The following KDM2B variants were observed in gnomAD, a reference collection of about 807,000 sequenced individuals.
The protein encoded by KDM2B is lysine-specific demethylase 2B.
A neutral mutation model predicts 150.0 loss-of-function variants in KDM2B; 26 were observed. That is an observed-to-expected ratio of 0.17 (90% confidence interval 0.13 to 0.24). The LOEUF is 0.24. Ranked by LOEUF, KDM2B falls within the 10% of genes least tolerant of loss-of-function variation. The pLI, the probability that KDM2B is intolerant of heterozygous loss-of-function variation, is 1.00. For missense variants in KDM2B, 1,265 were observed against 1,816.9 expected, an observed-to-expected ratio of 0.70 and a Z score of 5.52; for synonymous variants, 734 against 729.5, an observed-to-expected ratio of 1.01 and a Z score of -0.10.
At chr12:121,434,925 C>T (rs1555286399) in intron 22 of KDM2B, among the ~76,000 whole-genome samples, 1 of 151,640 alleles carries the variant, frequency 6.6e-6, no homozygotes, top group African/African-American at 2.4e-5. Context: ...CCACTGCACT[C>T]AAACCTGGGC....
At chr12:121,420,789 C>T in the KDM2B span, 1 of 1,597,998 alleles carries the variant, frequency 6.3e-7, no homozygotes, top group South Asian at 1.1e-5. Flanking sequence ...GTAGGTTTAT[C>T]TTTTCATTTT....
chr12:121,458,460 T>A (rs1555293263), intron 12 of KDM2B, among the ~76,000 whole-genome samples: 3 of 136,684 alleles, frequency 2.2e-5, no homozygotes, highest in East Asian at 2.2e-4. Flanking sequence ...ATCCTAAAAT[T>A]CATGAAAATG....
At chr12:121,548,775 T>C in intron 6 of KDM2B, 102 bp downstream of exon 6, 1 of 854,920 alleles carries the variant, frequency 1.2e-6, no homozygotes. Context: ...GTTGTGACGC[T>C]CAAGCCTTCA....
chr12:121,525,078 C>T (rs1415622603), intron 8 of KDM2B, among the ~76,000 whole-genome samples: 3 of 152,156 alleles, frequency 2.0e-5, no homozygotes, highest in Non-Finnish European at 4.4e-5. Context: ...ACAACCCAAC[C>T]GGACCCTGGC....
At chr12:121,573,728 C>G (rs1432936613) in intron 4 of KDM2B, among the ~76,000 whole-genome samples, 1 of 152,136 alleles carries the variant, frequency 6.6e-6, no homozygotes, top group Non-Finnish European at 1.5e-5. Context: ...GCTGGGACCA[C>G]AGGCGCCCGC....
At chr12:121,412,835 C>T in the KDM2B span, among the ~76,000 whole-genome samples, 9 of 150,992 alleles carry the variant, frequency 6.0e-5, no homozygotes, top group South Asian at 1.9e-3. Flanking sequence ...AGTAATTCTC[C>T]TGCCTTAGCC....
At chr12:121,579,989 GAAAAAA>G (rs35855511) in intron 1 of KDM2B, 123 of 1,208,282 alleles carry the variant, frequency 1.0e-4, no homozygotes, top group Middle Eastern at 2.3e-4. Context: ...TACAGATTTG[GAAAAAA>G]AAAAAAAAAA....
chr12:121,574,179 C>T (rs1047620525), intron 4 of KDM2B, among the ~76,000 whole-genome samples: 1 of 152,160 alleles, frequency 6.6e-6, no homozygotes, highest in Admixed American at 6.5e-5. Flanking sequence ...GCAGGAGGAA[C>T]AGCCCCTCGC....
chr12:121,458,702 G>A (rs780851869), intron 12 of KDM2B, among the ~76,000 whole-genome samples: 1 of 152,188 alleles, frequency 6.6e-6, no homozygotes, highest in East Asian at 1.9e-4. Context: ...TTGGGAGGCT[G>A]AGGCAGGAGA....
intron 4 of KDM2B, among the ~76,000 whole-genome samples, chr12:121,552,545 C>T (rs770446068): frequency 6.6e-6 from 1 of 152,034 alleles, no homozygotes; most frequent in African/African-American, 2.4e-5. Flanking sequence ...TGGTGGCACA[C>T]GTCTGTAATC....
At chr12:121,424,378 A>C (rs1555283973), downstream of KDM2B, 1 of 152,516 alleles carries the variant, frequency 6.6e-6, no homozygotes, top group Admixed American at 6.5e-5. Context: ...GTCAGTTCCT[A>C]AATCAAGTGA....
chr12:121,516,641 G>C (rs1336568174), intron 9 of KDM2B: 1 of 767,676 alleles, frequency 1.3e-6, no homozygotes, highest in African/African-American at 1.8e-5. Flanking sequence ...GGCATGCAAT[G>C]CTCCCAGCCT....
At chr12:121,502,169 T>C (rs1884629787) in intron 11 of KDM2B, among the ~76,000 whole-genome samples, 1 of 152,180 alleles carries the variant, frequency 6.6e-6, no homozygotes, top group Admixed American at 6.6e-5. Context: ...TGGCTCTAGT[T>C]TGCTGAGCTA....
chr12:121,581,176 G>C, upstream of KDM2B: 1 of 395,382 alleles, frequency 2.5e-6, no homozygotes, highest in Non-Finnish European at 4.5e-6. Context: ...TCTTGCGCTC[G>C]GCAAGGGGAG....
rs1880317934 is a variant in KDM2B, at chr12:121,468,039, CTCGAGTCGCCTGACGGGGGCTGT to C, written c.1735-14718_1735-14696del. The C allele has an allele frequency of 1.3e-5, 2 of 152,290 alleles. No individual in the cohort carries two copies. The highest frequency in any genetic ancestry group is 4.8e-5 in the African/African-American group (2 of 41,452). 9.4% of individuals were successfully genotyped at this position (152,290 alleles called of 1,614,324 possible). A position where few individuals can be genotyped will look rare whatever the true frequency, so the allele number is the denominator to read the frequency against. On this transcript the variant is annotated intron_variant, in intron 12 of 22. Transcript: ENST00000377071. This position sits in a 1 kb window ranked among gnomAD's most constrained non-coding sequence, Gnocchi z 4.0. ...TCAAGTAGTGCAGGCGGGAGTTCCA[CTCGAGTCGCCTGACGGGGGCTGT>C]CAGAACGCCCTGACTCTACCCTGAG...
At chr12:121,568,656 A>T (rs983503768) in intron 4 of KDM2B, among the ~76,000 whole-genome samples, 13 of 152,186 alleles carry the variant, frequency 8.5e-5, no homozygotes, top group Non-Finnish European at 1.8e-4. Flanking sequence ...CCAAGGGGCT[A>T]GAAGTCAGGT....
At position 121,467,532 on chromosome 12, in the gene KDM2B, C is replaced by G. The variant is rs1555295134; in HGVS notation, c.1735-14188G>C. On this transcript the variant is annotated intron_variant, in intron 12 of 22. Coordinates refer to ENST00000377071, the MANE Select transcript of KDM2B (RefSeq NM_032590.5). This position sits in a 1 kb window ranked among gnomAD's most constrained non-coding sequence, Gnocchi z 5.1. ...AAAGGGAGCCCGGCCTGCGGTGACA[C>G]GGGGGCGGGCCGCCGAGGGCGGTCC... 1 of 174,770 alleles carries G rather than the reference C, an allele frequency of 5.7e-6. No individual in the cohort carries two copies. Among genetic ancestry groups the G allele is most frequent in the African/African-American group, 2.4e-5 (1 of 41,322 alleles). The allele number at this position is 174,770 out of a possible 1,614,324, so 10.8% of individuals were successfully genotyped here.
At chr12:121,541,358 T>C (rs1555309737) in intron 6 of KDM2B, among the ~76,000 whole-genome samples, 2 of 127,474 alleles carry the variant, frequency 1.6e-5, no homozygotes, top group Non-Finnish European at 3.1e-5. Context: ...ATTGTGCCAC[T>C]GCACTGAAGC....
chr12:121,436,803 T>A (rs1480928067), intron 22 of KDM2B, among the ~76,000 whole-genome samples: 2 of 152,176 alleles, frequency 1.3e-5, no homozygotes, highest in African/African-American at 4.8e-5. Context: ...CGACTTTCTA[T>A]TAACTTACAA....
Sources: allele counts gnomAD v4.1 joint callset (sites outside exome capture counted in the v4.1 genomes callset), GRCh38; gene constraint gnomAD v4.1.1; non-coding constraint Gnocchi (gnomAD v3.1); transcripts MANE v1.5; gene names NCBI Gene and HGNC (gene_info 2026-07-23, HGNC 2026-07-21).